The following IL20RA variants were observed in gnomAD, a reference collection of about 807,000 sequenced individuals.
IL20RA encodes interleukin-20 receptor subunit alpha.
Under a neutral mutation model 36.5 loss-of-function variants are expected in IL20RA, and 29 were observed. That is an observed-to-expected ratio of 0.79 (90% CI 0.59 to 1.08). IL20RA has a LOEUF of 1.08. Ranked by LOEUF, IL20RA falls within the 50% of genes least tolerant of loss-of-function variation. The pLI is 0.00. For synonymous variants in IL20RA, 279 were observed against 267.1 expected (o/e 1.04, Z -0.43); for missense variants, 652 against 668.4 (o/e 0.98, Z 0.27).
In IL20RA at chr6:137,044,700, C is replaced by T. The variant is rs1474418051; in HGVS notation, c.29G>A (p.Arg10Gln). 25 of 1,222,800 alleles carry T rather than the reference C, an allele frequency of 2.0e-5. No homozygotes were observed. Among genetic ancestry groups the T allele is most frequent in the Non-Finnish European group, 5.1e-6 (5 of 982,746 alleles). The allele number at this position is 1,222,800 out of a possible 1,614,324, so 75.7% of individuals were successfully genotyped here. A position where few individuals can be genotyped will look rare whatever the true frequency, so the allele number is the denominator to read the frequency against. The change falls in exon 1 of 7, where the codon CGG (arginine) becomes CAG (glutamine). Residue 10 changes from arginine (R) to glutamine (Q), a missense_variant. By Grantham distance (43) the Arg-to-Gln change is conservative. Coordinates refer to ENST00000316649, the MANE Select transcript of IL20RA (RefSeq NM_014432.4). MRAPGRPALRPLPLPPLLLL... is the reference protein window; with the variant it reads MRAPGRPALQPLPLPPLLLL... ...CAGCAGCGGCGGCAGCGGCAGCGGC[C>T]GCAGGGCCGGGCGGCCGGGAGCCCG...
rs1188809232 is a variant in IL20RA at position 137,030,070 on chromosome 6, G to GT, written c.89-12968dup. ...GGTGGAAAATGTCAGCGGTTTGCGG[G>GT]TTTTTTTTTTTTTTTTTTTTTTTTT... On this transcript the variant is annotated intron_variant, in intron 1 of 6. Coordinates refer to ENST00000316649, the MANE Select transcript of IL20RA (RefSeq NM_014432.4). Among the ~76,000 whole-genome samples the GT allele has an allele frequency of 4.5e-3, 282 of 62,842 alleles. 59 individuals are homozygous for GT. The highest frequency in any genetic ancestry group is 0.016 in the African/African-American group (246 of 15,398). The allele number at this position is 62,842 out of a possible 152,430, so 41.2% of individuals were successfully genotyped here.
chr6:137,026,058 G>A (rs1323451941), intron 1 of IL20RA, among the ~76,000 whole-genome samples: 1 of 152,226 alleles, frequency 6.6e-6, no homozygotes, highest in Admixed American at 6.5e-5. Flanking sequence ...ACAGCCAAAT[G>A]TGATCACTTC....
intron 1 of IL20RA, among the ~76,000 whole-genome samples, chr6:137,029,027 G>A (rs1776186410): frequency 6.6e-6 from 1 of 152,162 alleles, no homozygotes; most frequent in African/African-American, 2.4e-5. Context: ...TGATCAGTGC[G>A]TGCCAAGCTG....
intron 6 of IL20RA, among the ~76,000 whole-genome samples, chr6:137,004,116 C>T (rs989239912): frequency 4.9e-5 from 7 of 144,312 alleles, no homozygotes. Context: ...AACATCTTTT[C>T]AAAGCTAAGG....
intron 1 of IL20RA, among the ~76,000 whole-genome samples, chr6:137,021,610 C>G (rs1775910052): frequency 1.3e-5 from 2 of 151,774 alleles, no homozygotes; most frequent in African/African-American, 2.4e-5. Flanking sequence ...ACCAGGAAGG[C>G]AGAGGTTGCA....
At chr6:137,011,149 C>T (rs1194924541) in intron 3 of IL20RA, 125 bp downstream of exon 3, 19 of 684,268 alleles carry the variant, frequency 2.8e-5, no homozygotes, top group Non-Finnish European at 4.1e-5. Context: ...CTCACTCAAC[C>T]CACTGGTCCA....
At chr6:137,012,560 G>A (rs1775536749) in intron 2 of IL20RA, among the ~76,000 whole-genome samples, 1 of 151,986 alleles carries the variant, frequency 6.6e-6, no homozygotes, top group South Asian at 2.1e-4. Flanking sequence ...TCTCAGGAGA[G>A]ACATGTGTGT....
rs983769911 is a variant in IL20RA, at chr6:137,026,187, C to T, written c.89-9084G>A. Among the ~76,000 whole-genome samples, 5 of 152,244 alleles carry T rather than the reference C, an allele frequency of 3.3e-5. 1 individual carries two copies. The highest frequency in any genetic ancestry group is 2.1e-4 in the South Asian group (1 of 4,832). On this transcript the variant is annotated intron_variant, in intron 1 of 6. Coordinates refer to ENST00000316649, the MANE Select transcript of IL20RA (RefSeq NM_014432.4). ...GAAAAAGTCCCCAGATGTCCTACCC[C>T]CTTTAGCCTTCTAAAGCTGAAGCTG...
At chr6:137,043,887 G>T (rs1264362600) in intron 1 of IL20RA, among the ~76,000 whole-genome samples, 1 of 152,110 alleles carries the variant, frequency 6.6e-6, no homozygotes, top group African/African-American at 2.4e-5. Context: ...AAAGCAATCA[G>T]GTTAATGAAT....
Position 137,004,769 on chromosome 6 carries a change from A to AC in IL20RA, c.725-10_725-9insG. The AC allele has an allele frequency of 6.4e-7, 1 of 1,561,768 alleles. No homozygotes were observed. The highest frequency in any genetic ancestry group is 1.4e-5 in the African/African-American group (1 of 72,246). ...GAACTCTGATGATTGATCTGTAAAA[A>AC]AAAAAAAAAAGGTGGGAATTCGGGG... On this transcript the variant is annotated splice_polypyrimidine_tract_variant and intron_variant, in intron 5 of 6. Coordinates refer to ENST00000316649, the MANE Select transcript of IL20RA (RefSeq NM_014432.4).
Position 137,002,481 on chromosome 6 carries a change from A to G in IL20RA, c.865-126T>C, listed in dbSNP as rs969711530. 5 of 651,422 alleles carry G rather than the reference A, an allele frequency of 7.7e-6. No homozygotes were observed. The African/African-American group carries it at 9.1e-5, about 12-fold the overall frequency. The allele number at this position is 651,422 out of a possible 1,614,324, so 40.4% of individuals were successfully genotyped here. A position where few individuals can be genotyped will look rare whatever the true frequency, so the allele number is the denominator to read the frequency against. ...CTACTCTTACCAACTCATGTAAATG[A>G]AAGTTATGCTTGCAATATACAGAAA... On this transcript the variant is annotated intron_variant, in intron 6 of 6. Transcript: ENST00000316649.
At chr6:137,041,272 G>A (rs537999293) in intron 1 of IL20RA, among the ~76,000 whole-genome samples, 54 of 152,278 alleles carry the variant, frequency 3.5e-4, no homozygotes, top group African/African-American at 1.2e-3. Flanking sequence ...ACTGGATCCC[G>A]AAACAGAAAA....
chr6:137,018,877 G>A (rs985374633), intron 1 of IL20RA, among the ~76,000 whole-genome samples: 1 of 152,018 alleles, frequency 6.6e-6, no homozygotes, highest in Non-Finnish European at 1.5e-5. Flanking sequence ...ATTTTTAGAT[G>A]GCCTTAACAT....
rs1209279598 is a variant in IL20RA at position 137,004,737 on chromosome 6, T to C, written c.748A>G (p.Lys250Glu). Residue 250 changes from lysine to glutamate, a missense_variant, in exon 6 of 7, where the codon AAA (lysine) becomes GAA (glutamate). Coordinates refer to ENST00000316649, the MANE Select transcript of IL20RA (RefSeq NM_014432.4). ...LKDQSSEFKA[K>E]IIFWYVLPVS... ...GGCAAAACATACCAGAAGATGATTTTAGCCTTGAACTCTGATGATTGATCT... is the reference window on the plus strand; with the variant it reads ...GGCAAAACATACCAGAAGATGATTTCAGCCTTGAACTCTGATGATTGATCT... The C allele has an allele frequency of 6.3e-7, 1 of 1,596,558 alleles. No homozygotes were observed. The highest frequency in any genetic ancestry group is 1.2e-5 in the South Asian group (1 of 86,520).
chr6:137,019,149 CAG>C (rs1775814003), intron 1 of IL20RA, among the ~76,000 whole-genome samples: 1 of 147,924 alleles, frequency 6.8e-6, no homozygotes, highest in African/African-American at 2.5e-5. Flanking sequence ...TTTTTTGAGA[CAG>C]AGTCTCACTC....
intron 6 of IL20RA, among the ~76,000 whole-genome samples, chr6:137,002,982 G>A (rs943529597): frequency 3.3e-5 from 5 of 152,146 alleles, no homozygotes; most frequent in Non-Finnish European, 7.3e-5. Flanking sequence ...ATCATGTCAA[G>A]GAAGCTCAGA....
intron 1 of IL20RA, among the ~76,000 whole-genome samples, chr6:137,021,162 T>C (rs1421776750): frequency 6.6e-6 from 1 of 152,112 alleles, no homozygotes; most frequent in East Asian, 1.9e-4. Context: ...AATGGATGCT[T>C]ATAAATTGCT....
intron 2 of IL20RA, among the ~76,000 whole-genome samples, chr6:137,013,101 C>G (rs1432528208): frequency 6.6e-6 from 1 of 152,166 alleles, no homozygotes; most frequent in Non-Finnish European, 1.5e-5. Context: ...AACTTTACCA[C>G]ATGCCTTGCA....
chr6:137,024,836 A>G (rs1407176802), intron 1 of IL20RA, among the ~76,000 whole-genome samples: 2 of 152,130 alleles, frequency 1.3e-5, no homozygotes, highest in Non-Finnish European at 2.9e-5. Context: ...AAAGTGAGCA[A>G]TCCTGACCAC....
Sources: allele counts gnomAD v4.1 joint callset (sites outside exome capture counted in the v4.1 genomes callset), GRCh38; gene constraint gnomAD v4.1.1; transcripts MANE v1.5; gene names NCBI Gene and HGNC (gene_info 2026-07-23, HGNC 2026-07-21).